Variants in ARMCX4 observed in about 807,000 individuals in gnomAD.
ARMCX4 encodes the protein armadillo repeat containing X-linked 4.
In ARMCX4, 3 loss-of-function variants were observed where a neutral mutation model predicts 34.7. That is an observed-to-expected ratio of 0.09 (90% CI 0.04 to 0.22). The LOEUF is 0.22. Among genes scored for constraint, ARMCX4 ranks in the 10% least tolerant of loss-of-function variants. The probability of loss-of-function intolerance (pLI) is 1.00; values close to 1 mark genes in which losing one functional copy is unlikely to be tolerated. For synonymous variants in ARMCX4, 513 were observed against 632.8 expected, an observed-to-expected ratio of 0.81 and a Z score of 2.84; for missense variants, 1,448 against 1,720.8, an observed-to-expected ratio of 0.84 and a Z score of 2.81.
intron 4 of ARMCX4, among the ~76,000 whole-genome samples, chrX:101,467,758 T>A (rs1159231809): frequency 8.9e-6 from 1 of 112,043 alleles, no homozygotes; most frequent in Non-Finnish European, 1.9e-5. Flanking sequence ...AAGGAAGCAC[T>A]TTCCCTCATT....
chrX:101,435,902 T>C (rs1555994643), intron 2 of ARMCX4, among the ~76,000 whole-genome samples: 1 of 111,297 alleles, frequency 9.0e-6, no homozygotes, highest in Non-Finnish European at 1.9e-5. Flanking sequence ...AAATAGGGAA[T>C]CCTTTCCCCA....
At chrX:101,529,653 C>T (rs1252512665) in intron 11 of ARMCX4, among the ~76,000 whole-genome samples, 7 of 111,784 alleles carry the variant, frequency 6.3e-5, no homozygotes, top group Non-Finnish European at 1.1e-4. Flanking sequence ...ATCAAACCAC[C>T]CCACCAAAAA....
intron 11 of ARMCX4, among the ~76,000 whole-genome samples, chrX:101,522,088 A>C (rs2147716126): frequency 9.0e-6 from 1 of 111,679 alleles, no homozygotes; most frequent in East Asian, 2.8e-4. Context: ...ATCCATTGTT[A>C]GAAGTGGAGT....
At chrX:101,470,656 A>G (rs1415302586) in intron 4 of ARMCX4, among the ~76,000 whole-genome samples, 2 of 112,043 alleles carry the variant, frequency 1.8e-5, no homozygotes, top group Non-Finnish European at 3.8e-5. Context: ...GTTGTTGCAT[A>G]TATCAGTACT....
intron 2 of ARMCX4, among the ~76,000 whole-genome samples, chrX:101,442,084 C>A (rs1931333968): frequency 1.8e-5 from 2 of 112,352 alleles, no homozygotes; most frequent in Non-Finnish European, 3.8e-5. Flanking sequence ...AAAACAGAAA[C>A]AATCCTATGT....
chrX:101,483,726 A>G (rs1312138682), upstream of ARMCX4, among the ~76,000 whole-genome samples: 1 of 110,139 alleles, frequency 9.1e-6, no homozygotes, highest in Non-Finnish European at 1.9e-5. Flanking sequence ...TAAAATTTGT[A>G]TGCAATTAAT....
rs1261513382 is a variant in ARMCX4, at chrX:101,492,358, G to A, written c.3769G>A (p.Val1257Ile). 37 of 1,151,070 alleles carry A rather than the reference G, an allele frequency of 3.2e-5. No individual in the cohort carries two copies. The East Asian group carries it at 1.2e-3, about 37-fold the overall frequency. The allele number at this position is 1,151,070 out of a possible 1,213,427, so 94.9% of individuals were successfully genotyped here. A position where few individuals can be genotyped will look rare whatever the true frequency, so the allele number is the denominator to read the frequency against. Residue 1257 changes from valine to isoleucine, a missense_variant, in exon 6 of 6, where the codon GTT becomes ATT. Physicochemically the swap from Val to Ile is conservative, Grantham distance 29 (BLOSUM62 3). Coordinates refer to ENST00000423738, the MANE Select transcript of ARMCX4 (RefSeq NM_001256155.3). ...GGGACAGGCCAGTGGGGTGTCCTGG[G>A]TTGGGGAAGAGGCCATTGGAGGGTC... ...PGGQASGVSWVGEEAIGGSWT... is the reference protein window; with the variant it reads ...PGGQASGVSWIGEEAIGGSWT...
In ARMCX4 at chrX:101,494,616, C is replaced by G; in HGVS notation, c.6027C>G (p.Phe2009Leu). 1 of 1,155,620 alleles carries G rather than the reference C, an allele frequency of 8.7e-7. No homozygotes were observed. The highest frequency in any genetic ancestry group is 1.1e-6 in the Non-Finnish European group (1 of 872,817). ...TKFAHQSEASFPVEDESRKQT... is the reference protein window; with the variant it reads ...TKFAHQSEASLPVEDESRKQT... ...TTGCACACCAAAGTGAGGCCAGCTT[C>G]CCAGTTGAAGATGAGTCCAGAAAAC... The change falls in exon 6 of 6, where the codon TTC becomes TTG. Residue 2009 changes from phenylalanine to leucine, a missense_variant. Physicochemically the swap from Phe to Leu is conservative, Grantham distance 22 (BLOSUM62 0). This residue lies in a region of ARMCX4 where 1,343 missense variants were observed against 1,540.7 expected (regional missense o/e 0.87). Transcript: ENST00000423738.
At chrX:101,461,769 G>A (rs185486006) in intron 4 of ARMCX4, among the ~76,000 whole-genome samples, 1 of 110,908 alleles carries the variant, frequency 9.0e-6, no homozygotes, top group African/African-American at 3.3e-5. Flanking sequence ...ATCCTAATGG[G>A]TGTGATTTAT....
chrX:101,433,967 A>T (rs1489614086), intron 2 of ARMCX4, among the ~76,000 whole-genome samples: 1 of 105,028 alleles, frequency 9.5e-6, no homozygotes, highest in African/African-American at 3.5e-5. Context: ...TTTTTCCGAG[A>T]TGGGGTCTGG....
chrX:101,435,559 A>C (rs1257924278), intron 2 of ARMCX4, among the ~76,000 whole-genome samples: 6 of 109,027 alleles, frequency 5.5e-5, no homozygotes, highest in Non-Finnish European at 9.5e-5. Context: ...AGATGAGTAG[A>C]TTGCAAAAAT....
rs1316512716 is a variant in ARMCX4 at position 101,492,253 on chromosome X, G to C, written c.3664G>C (p.Gly1222Arg). ...TGGGGCTGAGAACCAGGCCAGTGGG[G>C]GGTCTTGGGCTCTCGCTGGGAATCA... is the stretch of plus-strand genomic sequence containing the variant. ...WTGAENQASG[G>R]SWALAGNQAI... Residue 1222 changes from glycine (G) to arginine (R), a missense_variant, in exon 6 of 6, where the codon GGG becomes CGG. Around this residue, in one of 2 missense-constraint regions of ARMCX4, gnomAD observed 1,343 missense variants for 1,540.7 expected, o/e 0.87. Coordinates refer to ENST00000423738, the MANE Select transcript of ARMCX4 (RefSeq NM_001256155.3). The C allele has an allele frequency of 1.8e-6, 2 of 1,138,086 alleles. No individual in the cohort carries two copies. The highest frequency in any genetic ancestry group is 6.6e-5 in the East Asian group (2 of 30,348). 93.8% of individuals were successfully genotyped at this position (1,138,086 alleles called of 1,213,427 possible).
intron 2 of ARMCX4, among the ~76,000 whole-genome samples, chrX:101,420,380 A>C (rs184192602): frequency 1.3e-4 from 15 of 111,676 alleles, no homozygotes; most frequent in South Asian, 3.7e-4. Flanking sequence ...AAAACAAAAA[A>C]AAGACCACCA....
chrX:101,528,678 A>G (rs1935041993), intron 11 of ARMCX4, among the ~76,000 whole-genome samples: 1 of 111,572 alleles, frequency 9.0e-6, no homozygotes, highest in African/African-American at 3.3e-5. Context: ...AAGCATTCCT[A>G]TACACCAATA....
chrX:101,463,095 T>C (rs1556001452), intron 4 of ARMCX4, among the ~76,000 whole-genome samples: 1 of 112,022 alleles, frequency 8.9e-6, no homozygotes, highest in East Asian at 2.8e-4. Flanking sequence ...TCTGTCTCTC[T>C]TTCTCCATCA....
At chrX:101,518,082 TTA>T (rs782161340) in intron 11 of ARMCX4, among the ~76,000 whole-genome samples, 110 of 111,806 alleles carry the variant, frequency 9.8e-4, no homozygotes, top group Middle Eastern at 9.2e-3. Context: ...CCAAAAAAGT[TTA>T]TGTTAGAATG....
At chrX:101,433,001 T>TATACACATGTATACATACAC (rs1569314946) in intron 2 of ARMCX4, among the ~76,000 whole-genome samples, 4 of 57,785 alleles carry the variant, frequency 6.9e-5, no homozygotes, top group Admixed American at 1.7e-4. Context: ...TATACATATA[T>TATACACATGTATACATACAC]GTGTATATAT....
chrX:101,475,883 G>A (rs1556004139), intron 4 of ARMCX4, among the ~76,000 whole-genome samples: 1 of 111,038 alleles, frequency 9.0e-6, no homozygotes, highest in Non-Finnish European at 1.9e-5. Flanking sequence ...TGGAAACATT[G>A]TTACATCTAC....
At position 101,493,849 on chromosome X, in the gene ARMCX4, G is replaced by A; in HGVS notation, c.5260G>A (p.Asp1754Asn). The A allele has an allele frequency of 2.6e-6, 3 of 1,153,255 alleles. No individual in the cohort carries two copies. Among genetic ancestry groups the A allele is most frequent in the Non-Finnish European group, 3.4e-6 (3 of 872,276 alleles). The change falls in exon 6 of 6, where the codon GAT (aspartate) becomes AAT (asparagine). Residue 1754 changes from aspartate to asparagine, a missense_variant. By Grantham distance (23) the Asp-to-Asn change is conservative. This residue lies in a region of ARMCX4 where 1,343 missense variants were observed against 1,540.7 expected (regional missense o/e 0.87). Transcript: ENST00000423738. ...TTGGTGCTGGACAGAGGAAAAAGCT[G>A]ATATTGTGTCCAGGCCTGATGATAA... is the stretch of plus-strand genomic sequence containing the variant. ...GSWCWTEEKA[D>N]IVSRPDDKDE...
Sources: gnomAD v4.1 joint callset for allele counts (sites outside exome capture counted in the v4.1 genomes callset) on GRCh38, gnomAD v4.1.1 for gene constraint, gnomAD v4.1.1 regional missense constraint, MANE v1.5 for transcripts, NCBI Gene and HGNC (gene_info 2026-07-23, HGNC 2026-07-21) for gene names.